Variants in ARAP2 observed in about 807,000 individuals in gnomAD.
ARAP2 encodes ArfGAP with RhoGAP domain, ankyrin repeat and PH domain 2.
In ARAP2, 148 loss-of-function variants were observed where a neutral mutation model predicts 194.5. The observed-to-expected ratio is 0.76, with a 90% confidence interval of 0.67 to 0.87. The LOEUF (loss-of-function observed/expected upper bound fraction) is 0.87. Among genes scored for constraint, ARAP2 ranks in the 40% least tolerant of loss-of-function variants. The probability of loss-of-function intolerance (pLI) is 0.00; values close to 1 mark genes in which losing one functional copy is unlikely to be tolerated. For synonymous variants in ARAP2, 695 were observed against 683.5 expected (o/e 1.02, Z -0.26); for missense variants, 2,128 against 1,989.7 (o/e 1.07, Z -1.32).
At chr4:36,080,613 C>T (rs1304687491) in intron 30 of ARAP2, among the ~76,000 whole-genome samples, 1 of 152,154 alleles carries the variant, frequency 6.6e-6, no homozygotes, top group African/African-American at 2.4e-5. Flanking sequence ...CTGTATTCCA[C>T]TAAAATTCTG....
At position 36,187,511 on chromosome 4, in the gene ARAP2, C is replaced by T; in HGVS notation, c.1618G>A (p.Asp540Asn). Residue 540 changes from aspartate to asparagine, a missense_variant, in exon 8 of 33, where the codon GAC (aspartate) becomes AAC (asparagine). Coordinates refer to ENST00000303965, the MANE Select transcript of ARAP2 (RefSeq NM_015230.4). ...GTTGTAACAACTTCAAATTTGTTGT[C>T]TCCTTGAACTCGTACTGTTGATATA... ...SAISTVRVQG[D>N]NKFEVVTTQR... The T allele has an allele frequency of 6.4e-7, 1 of 1,551,608 alleles. No homozygotes were observed. The highest frequency in any genetic ancestry group is 1.4e-5 in the African/African-American group (1 of 72,752).
In ARAP2 at chr4:36,158,855, T is replaced by C. The variant is rs1487785773; in HGVS notation, c.2627A>G (p.Gln876Arg). 6.3e-7 allele frequency: 1 copy of C among 1,584,424 alleles called. No homozygotes were observed. The highest frequency in any genetic ancestry group is 1.9e-5 in the Admixed American group (1 of 52,076). Residue 876 changes from glutamine (Q) to arginine (R), a missense_variant, in exon 15 of 33, where the codon CAA becomes CGA. Physicochemically the swap from Gln to Arg is conservative, Grantham distance 43. Coordinates refer to ENST00000303965, the MANE Select transcript of ARAP2 (RefSeq NM_015230.4). ...LYHNKFSDFP[Q>R]HDIHSEGVLS... The stretch of plus-strand genomic sequence containing the variant: ...TACACCCTCGGAATGAATATCATGT[T>C]GAGGGAAATCTAGAAAAATTAAAGA...
At chr4:36,043,776 G>C (rs1397267994) in intron 5 of ARAP2, among the ~76,000 whole-genome samples, 1 of 78,968 alleles carries the variant, frequency 1.3e-5, no homozygotes, top group East Asian at 3.8e-4. Context: ...GAAAAATAAA[G>C]AAAAGAAAGA....
In ARAP2 at chr4:36,020,768, C is replaced by T. The variant is rs111918658; in HGVS notation, n.608-1482G>A. 2.2e-3 allele frequency among the ~76,000 whole-genome samples: 329 copies of T among 152,266 alleles called. 1 individual carries two copies. Among genetic ancestry groups the T allele is most frequent in the African/African-American group, 7.5e-3 (310 of 41,564 alleles). On this transcript the variant is annotated intron_variant and non_coding_transcript_variant, in intron 5 of 12. Transcript: ENST00000503225. ...GATGGAAATTGGATTTTTGAAAGTT[C>T]ACCTTTGGTTGCATGCCTGGATGGA... is the stretch of plus-strand genomic sequence containing the variant.
intron 21 of ARAP2, 56 bp downstream of exon 21, chr4:36,128,477 T>TACAC (rs113034093): frequency 0.14 from 126,211 of 918,078 alleles, 3,626 homozygotes; most frequent in African/African-American, 0.32. Flanking sequence ...GTCTATATTA[T>TACAC]ACACACACAC....
rs1179487183 is a variant in ARAP2 at position 36,134,741 on chromosome 4, C to CACACACACAA, written c.3264-1353_3264-1352insTTGTGTGTGT. Among the ~76,000 whole-genome samples, 434 of 135,508 alleles carry CACACACACAA rather than the reference C, an allele frequency of 3.2e-3. 4 individuals are homozygous for CACACACACAA. Among genetic ancestry groups the CACACACACAA allele is most frequent in the African/African-American group, 0.01 (413 of 40,438 alleles). 88.9% of individuals were successfully genotyped at this position (135,508 alleles called of 152,430 possible). A position where few individuals can be genotyped will look rare whatever the true frequency, so the allele number is the denominator to read the frequency against. On this transcript the variant is annotated intron_variant, in intron 19 of 32. Transcript: ENST00000303965. ...AAACATAAACACACACAAATACACA[C>CACACACACAA]ACACACACACACACACACACCCTCC... is the stretch of plus-strand genomic sequence containing the variant.
chr4:36,187,011 T>C (rs1740711065), intron 8 of ARAP2, among the ~76,000 whole-genome samples: 1 of 152,256 alleles, frequency 6.6e-6, no homozygotes. Context: ...AAAAATTGTC[T>C]TCCACGAAAC....
chr4:36,154,234 C>G (rs1731701177), intron 15 of ARAP2, among the ~76,000 whole-genome samples: 2 of 152,024 alleles, frequency 1.3e-5, no homozygotes, highest in South Asian at 2.1e-4. Context: ...TGAGGAATTT[C>G]CTAAATTAAT....
intron 7 of ARAP2, 36 bp downstream of exon 7, chr4:36,193,542 A>G: frequency 6.7e-7 from 1 of 1,494,470 alleles, no homozygotes; most frequent in Non-Finnish European, 9.0e-7. Context: ...CGTATGCATA[A>G]AAAAGCAATT....
chr4:36,216,937 CA>C (rs1265586607), intron 2 of ARAP2, among the ~76,000 whole-genome samples: 17 of 152,134 alleles, frequency 1.1e-4, no homozygotes, highest in Non-Finnish European at 2.1e-4. Flanking sequence ...GCCTACTTCA[CA>C]CATAGGTTAC....
At chr4:36,101,396 G>GATTT (rs61553104) in intron 27 of ARAP2, among the ~76,000 whole-genome samples, 101 of 149,916 alleles carry the variant, frequency 6.7e-4, no homozygotes, top group African/African-American at 1.3e-3. Flanking sequence ...AAGTACCAGA[G>GATTT]TTTTTTTTTT....
At chr4:36,213,215 G>A (rs769944875) in intron 4 of ARAP2, 28 bp downstream of exon 4, 118 of 1,458,814 alleles carry the variant, frequency 8.1e-5, no homozygotes, top group Non-Finnish European at 1.1e-4. Flanking sequence ...ATTGATTATG[G>A]AAAACAATTA....
chr4:36,091,532 A>G (rs1361732408), intron 28 of ARAP2, among the ~76,000 whole-genome samples: 2 of 152,162 alleles, frequency 1.3e-5, no homozygotes, highest in Non-Finnish European at 2.9e-5. Context: ...TGCACCTTTT[A>G]TTAATTTCCA....
chr4:36,207,901 T>C (rs765739737), intron 6 of ARAP2, among the ~76,000 whole-genome samples: 1 of 152,224 alleles, frequency 6.6e-6, no homozygotes, highest in Non-Finnish European at 1.5e-5. Flanking sequence ...AATGTTCTTA[T>C]AAATTGCTGT....
At chr4:36,046,135 T>G (rs1193925524) in intron 4 of ARAP2, 4 of 152,112 alleles carry the variant, frequency 2.6e-5, no homozygotes, top group Non-Finnish European at 4.4e-5. Context: ...TATTGCAAAA[T>G]ATATTCATTG....
intron 32 of ARAP2, among the ~76,000 whole-genome samples, chr4:36,070,998 A>G (rs2109308018): frequency 6.6e-6 from 1 of 152,288 alleles, no homozygotes; most frequent in South Asian, 2.1e-4. Flanking sequence ...AACTGTGCTC[A>G]GGATACTAAC....
chr4:36,057,780 T>C (rs1723763582), intron 2 of ARAP2, among the ~76,000 whole-genome samples: 3 of 152,172 alleles, frequency 2.0e-5, no homozygotes, highest in Non-Finnish European at 4.4e-5. Flanking sequence ...TATCAATCAT[T>C]GCTGTTATTT....
intron 9 of ARAP2, among the ~76,000 whole-genome samples, chr4:36,175,945 T>C (rs1271495055): frequency 6.6e-6 from 1 of 152,170 alleles, no homozygotes; most frequent in African/African-American, 2.4e-5. Context: ...ACTTGTGTCC[T>C]TCTCAGTAAA....
intron 15 of ARAP2, among the ~76,000 whole-genome samples, chr4:36,152,978 C>T (rs1050925493): frequency 2.0e-5 from 3 of 152,068 alleles, no homozygotes; most frequent in African/African-American, 7.2e-5. Context: ...CAAGTGGGAG[C>T]CATTCAAAGG....
Sources: gnomAD v4.1 joint callset for allele counts (sites outside exome capture counted in the v4.1 genomes callset) on GRCh38, gnomAD v4.1.1 for gene constraint, MANE v1.5 for transcripts, NCBI Gene and HGNC (gene_info 2026-07-23, HGNC 2026-07-21) for gene names.